DNAH9: variants seen among roughly 807,000 people sequenced by gnomAD.
The protein encoded by DNAH9 is DNAH9 variant protein.
In DNAH9, 345 loss-of-function variants were observed where a neutral mutation model predicts 471.6. The ratio of observed to expected loss-of-function variants is 0.73; its 90% confidence interval spans 0.67 to 0.80. DNAH9 has a LOEUF of 0.80. Ranked by LOEUF, DNAH9 falls within the 30% of genes least tolerant of loss-of-function variation. The pLI is 0.00. For synonymous variants in DNAH9, 2,093 were observed against 2,123.6 expected, an observed-to-expected ratio of 0.99 and a Z score of 0.40; for missense variants, 5,407 against 5,609.2, an observed-to-expected ratio of 0.96 and a Z score of 1.15.
At position 11,599,373 on chromosome 17, in the gene DNAH9, G is replaced by T. The variant is rs183315818; in HGVS notation, c.417+458G>T. Among the ~76,000 whole-genome samples, 447 of 152,310 alleles carry T rather than the reference G, an allele frequency of 2.9e-3. 7 individuals are homozygous for T. Among genetic ancestry groups the T allele is most frequent in the African/African-American group, 0.01 (428 of 41,564 alleles). ...GACGGCATTTCTGATGGATCAGTGG[G>T]GTGGAAGGAGGTGGATGGCTATAAA... On this transcript the variant is annotated intron_variant, in intron 1 of 68. Coordinates refer to ENST00000262442, the MANE Select transcript of DNAH9 (RefSeq NM_001372.4).
At chr17:11,640,449 T>C (rs1597420213) in intron 10 of DNAH9, 65 bp downstream of exon 10, 14 of 1,119,650 alleles carry the variant, frequency 1.3e-5, no homozygotes, top group East Asian at 7.0e-5. Context: ...AGAATCTGAG[T>C]GTTGTAGAAA....
At position 11,747,604 on chromosome 17, in the gene DNAH9, G is replaced by A; in HGVS notation, c.6448G>A (p.Val2150Met). Residue 2150 changes from valine (V) to methionine (M), a missense_variant, in exon 32 of 69, where the codon GTG becomes ATG. Val to Met is a conservative substitution (Grantham distance 21). Coordinates refer to ENST00000262442, the MANE Select transcript of DNAH9 (RefSeq NM_001372.4). Reference sequence around the variant, plus strand: ...GGCTGTGCGGCACTCTGTATTTGTGGTGGGTGGCGCTGGTACCGGCAAGTC... The same window carrying A: ...GGCTGTGCGGCACTCTGTATTTGTGATGGGTGGCGCTGGTACCGGCAAGTC... ...LLAVRHSVFV[V>M]GGAGTGKSQV... The A allele has an allele frequency of 6.2e-7, 1 of 1,614,102 alleles. No individual in the cohort carries two copies. The highest frequency in any genetic ancestry group is 2.2e-5 in the East Asian group (1 of 44,862).
chr17:11,681,638 C>A (rs532309943), intron 19 of DNAH9, among the ~76,000 whole-genome samples: 1 of 152,296 alleles, frequency 6.6e-6, no homozygotes, highest in East Asian at 1.9e-4. Flanking sequence ...CTTGAGCTTC[C>A]TTTCTTGCTG....
At chr17:11,862,369 A>G (rs1271042457) in intron 50 of DNAH9, among the ~76,000 whole-genome samples, 2 of 126,382 alleles carry the variant, frequency 1.6e-5, no homozygotes, top group African/African-American at 6.1e-5. Context: ...GTTCTGTTCC[A>G]TTGATCTATA....
chr17:11,694,368 G>A lies in DNAH9; in HGVS notation c.4793G>A (p.Arg1598Lys), dbSNP rs2074390911. The change falls in exon 22 of 69, where the codon AGG becomes AAG. Residue 1598 changes from arginine to lysine, a missense_variant. Arg to Lys is a conservative substitution (Grantham distance 26). Around this residue, in one of 3 missense-constraint regions of DNAH9, gnomAD observed 4,636 missense variants for 4,900.3 expected, o/e 0.95. Coordinates refer to ENST00000262442, the MANE Select transcript of DNAH9 (RefSeq NM_001372.4). ...KALAEYLDTKRLAFPRFYFLS... is the reference protein window; with the variant it reads ...KALAEYLDTKKLAFPRFYFLS... Reference sequence around the variant, plus strand: ...CTGGCAGAGTACCTCGACACCAAGAGGCTTGCCTTCCCGCGGTTTTACTTT... The same window carrying A: ...CTGGCAGAGTACCTCGACACCAAGAAGCTTGCCTTCCCGCGGTTTTACTTT... 1 of 1,613,816 alleles carries A rather than the reference G, an allele frequency of 6.2e-7. No homozygotes were observed.
chr17:11,794,238 G>A (rs1408325373), intron 42 of DNAH9, among the ~76,000 whole-genome samples: 1 of 151,808 alleles, frequency 6.6e-6, no homozygotes. Flanking sequence ...TAGAGACGGA[G>A]TTTCACTGTT....
intron 68 of DNAH9, among the ~76,000 whole-genome samples, chr17:11,966,560 G>A (rs1976742732): frequency 6.6e-6 from 1 of 152,216 alleles, no homozygotes; most frequent in South Asian, 2.1e-4. Context: ...AATTACATAT[G>A]TAAGCATAAA....
chr17:11,874,741 A>T (rs962435698), intron 52 of DNAH9, among the ~76,000 whole-genome samples: 1 of 141,274 alleles, frequency 7.1e-6, no homozygotes, highest in Non-Finnish European at 1.6e-5. Flanking sequence ...TTCTGCAGTT[A>T]TTCATCCATG....
chr17:11,875,455 A>G (rs565993501), intron 53 of DNAH9, among the ~76,000 whole-genome samples: 1 of 152,224 alleles, frequency 6.6e-6, no homozygotes, highest in Admixed American at 6.5e-5. Flanking sequence ...TCATCCTCTC[A>G]TTGTCCCTTA....
chr17:11,770,527 C>G (rs945190618), intron 38 of DNAH9, among the ~76,000 whole-genome samples: 2 of 152,172 alleles, frequency 1.3e-5, no homozygotes, highest in Non-Finnish European at 2.9e-5. Context: ...GGCTTCCCCC[C>G]ACCCGCCCTT....
intron 48 of DNAH9, among the ~76,000 whole-genome samples, chr17:11,834,091 G>A (rs1181153477): frequency 1.3e-5 from 2 of 152,026 alleles, no homozygotes; most frequent in African/African-American, 4.8e-5. Flanking sequence ...CCCTTTGGGA[G>A]GCTGAGGCTG....
intron 36 of DNAH9, among the ~76,000 whole-genome samples, chr17:11,764,399 T>C (rs1276639024): frequency 6.6e-6 from 1 of 152,244 alleles, no homozygotes. Context: ...TGGACTCTGT[T>C]AGCAAATTTT....
rs1453873604 is a variant in DNAH9, at chr17:11,617,635, G to A, written c.1116+13G>A. 6.2e-7 allele frequency: 1 copy of A among 1,606,436 alleles called. No homozygotes were observed. Among genetic ancestry groups the A allele is most frequent in the Non-Finnish European group, 8.5e-7 (1 of 1,173,690 alleles). ...TCTCATCCAGCAGGTGGGCTGCCCT[G>A]GGATGCCCAGCAACTGCTCCCTGGG... On this transcript the variant is annotated intron_variant, in intron 5 of 68. Coordinates refer to ENST00000262442, the MANE Select transcript of DNAH9 (RefSeq NM_001372.4).
intron 53 of DNAH9, among the ~76,000 whole-genome samples, chr17:11,878,098 A>C (rs1258831115): frequency 6.6e-6 from 1 of 152,162 alleles, no homozygotes; most frequent in Non-Finnish European, 1.5e-5. Flanking sequence ...TTCTCCCGAA[A>C]CTTTAATTAA....
intron 48 of DNAH9, among the ~76,000 whole-genome samples, chr17:11,825,052 T>C (rs141873476): frequency 3.9e-5 from 6 of 152,200 alleles, no homozygotes; most frequent in Non-Finnish European, 7.4e-5. Context: ...ACAAATGGCA[T>C]GTGCAAATTA....
At chr17:11,809,912 T>G (rs918825250) in intron 44 of DNAH9, among the ~76,000 whole-genome samples, 1 of 152,086 alleles carries the variant, frequency 6.6e-6, no homozygotes, top group Non-Finnish European at 1.5e-5. Context: ...AGCTGTAACC[T>G]CTTTGCACAA....
intron 27 of DNAH9, among the ~76,000 whole-genome samples, chr17:11,723,728 C>T (rs1185103325): frequency 8.6e-5 from 13 of 151,728 alleles, no homozygotes; most frequent in Admixed American, 5.2e-4. Context: ...AGTGCAGTGG[C>T]ACGATCTCAG....
At chr17:11,670,471 A>C (rs1036970497) in intron 17 of DNAH9, among the ~76,000 whole-genome samples, 3 of 152,144 alleles carry the variant, frequency 2.0e-5, no homozygotes, top group Non-Finnish European at 4.4e-5. Flanking sequence ...GTCCCTCTGC[A>C]CAGTGATTGC....
Position 11,781,849 on chromosome 17 carries a change from A to AAAAC in DNAH9, c.7718+678_7718+679insCAAA, listed in dbSNP as rs1185724722. 4.1e-4 allele frequency among the ~76,000 whole-genome samples: 58 copies of AAAAC among 142,262 alleles called. 1 individual carries two copies. The highest frequency in any genetic ancestry group is 1.5e-3 in the African/African-American group (55 of 37,876). The allele number at this position is 142,262 out of a possible 152,430, so 93.3% of individuals were successfully genotyped here. The stretch of plus-strand genomic sequence containing the variant: ...TCCATCTTAAAAAAAAAAAACAAAC[A>AAAAC]AAAAAAAAACTACCAAACACCCGGT... On this transcript the variant is annotated intron_variant, in intron 39 of 68. Coordinates refer to ENST00000262442, the MANE Select transcript of DNAH9 (RefSeq NM_001372.4).
Sources: gnomAD v4.1 joint callset for allele counts (sites outside exome capture counted in the v4.1 genomes callset) on GRCh38, gnomAD v4.1.1 for gene constraint, gnomAD v4.1.1 regional missense constraint, MANE v1.5 for transcripts, NCBI Gene and HGNC (gene_info 2026-07-23, HGNC 2026-07-21) for gene names.